Variants in SNRK observed in about 807,000 individuals in gnomAD.
SNRK encodes SNF-related serine/threonine-protein kinase.
Under a neutral mutation model 48.2 loss-of-function variants are expected in SNRK, and 3 were observed. The ratio of observed to expected loss-of-function variants is 0.06; its 90% confidence interval spans 0.03 to 0.16. The LOEUF is 0.16. SNRK is among the 10% of genes least tolerant of loss of function. The pLI, the probability that SNRK is intolerant of heterozygous loss-of-function variation, is 1.00. For missense variants in SNRK, 627 were observed against 976.0 expected, an observed-to-expected ratio of 0.64 and a Z score of 4.76; for synonymous variants, 376 against 366.1, an observed-to-expected ratio of 1.03 and a Z score of -0.31.
intron 1 of SNRK, among the ~76,000 whole-genome samples, chr3:43,297,018 A>G (rs1232664669): frequency 6.6e-6 from 1 of 152,206 alleles, no homozygotes; most frequent in East Asian, 1.9e-4. Flanking sequence ...GGCCTATTTC[A>G]TTTAGGTCCA....
At chr3:43,344,885 A>G (rs917110676) in intron 6 of SNRK, among the ~76,000 whole-genome samples, 4 of 151,906 alleles carry the variant, frequency 2.6e-5, no homozygotes, top group African/African-American at 9.7e-5. Context: ...GGCTTCTGGA[A>G]GAGAATATTT....
chr3:43,342,114 A>G (rs534208846), intron 5 of SNRK, among the ~76,000 whole-genome samples: 1 of 152,356 alleles, frequency 6.6e-6, no homozygotes, highest in African/African-American at 2.4e-5. Flanking sequence ...CTTAGCTTAA[A>G]TAAATACATA....
Position 43,324,477 on chromosome 3 carries a change from C to T in SNRK, c.590-7692C>T, listed in dbSNP as rs75969415. On this transcript the variant is annotated intron_variant, in intron 3 of 6. Transcript: ENST00000296088. ...TAAGCTGCGATCGTGTCACTGCACT[C>T]CAGCCTGGGTGATAGGGTGAGACTC... Among the ~76,000 whole-genome samples the T allele has an allele frequency of 4.0e-5, 6 of 150,020 alleles. No homozygotes were observed. The East Asian group carries it at 9.7e-4, about 24-fold the overall frequency.
In SNRK at chr3:43,314,277, A is replaced by G. The variant is rs143234045; in HGVS notation, c.589+10485A>G. ...TAGAATTGTGTTCTTAAGCATCTTT[A>G]TTTATTTGGCTTAACTTACTACGTG... On this transcript the variant is annotated intron_variant, in intron 3 of 6. Transcript: ENST00000296088. 2.9e-3 allele frequency among the ~76,000 whole-genome samples: 442 copies of G among 152,288 alleles called. 1 individual carries two copies. The highest frequency in any genetic ancestry group is 0.01 in the African/African-American group (427 of 41,570).
intron 3 of SNRK, among the ~76,000 whole-genome samples, chr3:43,309,719 C>T (rs192080861): frequency 2.6e-5 from 4 of 151,762 alleles, no homozygotes; most frequent in African/African-American, 7.2e-5. Flanking sequence ...TGGGCTCAAG[C>T]AATCCTCGCA....
At chr3:43,317,617 C>T (rs916756320) in intron 3 of SNRK, among the ~76,000 whole-genome samples, 2 of 152,210 alleles carry the variant, frequency 1.3e-5, no homozygotes, top group African/African-American at 2.4e-5. Context: ...ACTTTCCTCT[C>T]ACTACCTTCC....
intron 3 of SNRK, among the ~76,000 whole-genome samples, chr3:43,331,424 G>C (rs1243062774): frequency 6.6e-6 from 1 of 152,188 alleles, no homozygotes; most frequent in African/African-American, 2.4e-5. Flanking sequence ...TTAGATGTCA[G>C]CTAGCCCAGC....
At chr3:43,341,308 G>A (rs915306707) in intron 5 of SNRK, among the ~76,000 whole-genome samples, 2 of 152,036 alleles carry the variant, frequency 1.3e-5, no homozygotes, top group Admixed American at 6.5e-5. Flanking sequence ...CTGCAACCAC[G>A]CCCGGCTAAT....
At chr3:43,342,169 A>G (rs956558789) in intron 5 of SNRK, among the ~76,000 whole-genome samples, 2 of 152,214 alleles carry the variant, frequency 1.3e-5, no homozygotes, top group African/African-American at 2.4e-5. Flanking sequence ...TATAAATTCA[A>G]TTATAAATCC....
At chr3:43,316,435 C>T (rs1195880840) in intron 3 of SNRK, among the ~76,000 whole-genome samples, 1 of 151,930 alleles carries the variant, frequency 6.6e-6, no homozygotes, top group Non-Finnish European at 1.5e-5. Flanking sequence ...CAGAAGCTTC[C>T]ATGCAATTAT....
rs1329757276 is a variant in SNRK, at chr3:43,347,533, C to A, written c.1274C>A (p.Ser425Tyr). Residue 425 changes from serine to tyrosine, a missense_variant, in exon 7 of 7, where the codon TCT (serine) becomes TAT (tyrosine). Physicochemically the swap from Ser to Tyr is moderately radical, Grantham distance 144. Around this residue, in one of 4 missense-constraint regions of SNRK, gnomAD observed 175 missense variants for 209.7 expected, o/e 0.83. Coordinates refer to ENST00000296088, the MANE Select transcript of SNRK (RefSeq NM_017719.5). The surrounding 1 kb of genome is among the most constrained non-coding windows in gnomAD (Gnocchi z 5.4). ...CCTGAGTTGGCTGGACCAGCACTCT[C>A]TACGGTGCCACCCGCAAGCTTAAAA... is the stretch of plus-strand genomic sequence containing the variant. The part of the protein sequence containing the change: ...DLPELAGPAL[S>Y]TVPPASLKPT... 6.2e-7 allele frequency: 1 copy of A among 1,613,548 alleles called. No homozygotes were observed. The highest frequency in any genetic ancestry group is 2.2e-5 in the East Asian group (1 of 44,864).
chr3:43,349,149 A>G lies in SNRK; in HGVS notation c.*592A>G, dbSNP rs1212061590. 1 of 152,706 alleles carries G rather than the reference A, an allele frequency of 6.5e-6. No homozygotes were observed. Among genetic ancestry groups the G allele is most frequent in the Non-Finnish European group, 1.5e-5 (1 of 68,058 alleles). 9.5% of individuals were successfully genotyped at this position (152,706 alleles called of 1,614,324 possible). On this transcript the variant is annotated 3_prime_UTR_variant, in exon 7 of 7. Coordinates refer to ENST00000296088, the MANE Select transcript of SNRK (RefSeq NM_017719.5). ...CCCACACCTGTTTGTCTTAAGCTAT[A>G]GTGTAAAAACAAAGTTTGGGCTCTG...
intron 3 of SNRK, among the ~76,000 whole-genome samples, chr3:43,331,413 C>T (rs2091145184): frequency 6.6e-6 from 1 of 152,104 alleles, no homozygotes; most frequent in Non-Finnish European, 1.5e-5. Context: ...TTGAGAGGTC[C>T]TTAGATGTCA....
At chr3:43,295,160 G>GT (rs1489086903) in intron 1 of SNRK, among the ~76,000 whole-genome samples, 1 of 152,222 alleles carries the variant, frequency 6.6e-6, no homozygotes, top group African/African-American at 2.4e-5. Flanking sequence ...TGGCTTGGAT[G>GT]TTAATCTCTT....
In SNRK at chr3:43,347,392, C is replaced by A. The variant is rs377372127; in HGVS notation, c.1133C>A (p.Thr378Lys). 6.2e-7 allele frequency: 1 copy of A among 1,610,156 alleles called. No homozygotes were observed. Among genetic ancestry groups the A allele is most frequent in the Non-Finnish European group, 8.5e-7 (1 of 1,178,076 alleles). The change falls in exon 7 of 7, where the codon ACG (threonine) becomes AAG (lysine). Residue 378 changes from threonine to lysine, a missense_variant. Thr to Lys is a moderately conservative substitution (Grantham distance 78). Transcript: ENST00000296088. The surrounding 1 kb of genome is among the most constrained non-coding windows in gnomAD (Gnocchi z 5.4). ...DVPQDLEDDL[T>K]ATPLSHATVP... ...CCCCAGGACCTTGAGGATGACCTCA[C>A]GGCCACTCCTTTGTCCCACGCGACT...
chr3:43,343,533 C>A, intron 6 of SNRK, 55 bp downstream of exon 6: 19 of 1,307,014 alleles, frequency 1.5e-5, no homozygotes, highest in South Asian at 2.7e-5. Context: ...AAATAGCGAA[C>A]TTTTTTTTTT....
At chr3:43,340,718 G>A in intron 5 of SNRK, 1 of 548,334 alleles carries the variant, frequency 1.8e-6, no homozygotes. Context: ...CCATTGCTGG[G>A]TGGTTTCAGT....
rs553650728 is a variant in SNRK, at chr3:43,312,570, G to A, written c.589+8778G>A. Among the ~76,000 whole-genome samples the A allele has an allele frequency of 6.6e-5, 10 of 152,272 alleles. No individual in the cohort carries two copies. In the South Asian group the frequency reaches 1.9e-3, roughly 28 times the overall value. On this transcript the variant is annotated intron_variant, in intron 3 of 6. Transcript: ENST00000296088. ...GAAAGACTGAATGCTTTCATCCTAA[G>A]TTGAGAAACAAGGCAAGGATATACA...
rs2091311351 is a variant in SNRK at position 43,350,033 on chromosome 3, T to TG, written c.*1476_*1477insG. The TG allele has an allele frequency of 4.6e-5, 7 of 152,352 alleles. No homozygotes were observed. Among genetic ancestry groups the TG allele is most frequent in the Admixed American group, 3.3e-4 (5 of 15,292 alleles). 9.4% of individuals were successfully genotyped at this position (152,352 alleles called of 1,614,324 possible). ...AGAACTGCATTGCTGTGGTCACTGT[T>TG]TCTTCAAGTACACACTGACTCTGCT... On this transcript the variant is annotated 3_prime_UTR_variant, in exon 7 of 7. Transcript: ENST00000296088.
Sources: gnomAD v4.1 joint callset for allele counts (sites outside exome capture counted in the v4.1 genomes callset) on GRCh38, gnomAD v4.1.1 for gene constraint, gnomAD v4.1.1 regional missense constraint, Gnocchi (gnomAD v3.1) non-coding constraint, MANE v1.5 for transcripts, NCBI Gene and HGNC (gene_info 2026-07-23, HGNC 2026-07-21) for gene names.